RARB: variants seen among roughly 807,000 people sequenced by gnomAD.
The protein encoded by RARB is HBV-activated protein.
A neutral mutation model predicts 51.9 loss-of-function variants in RARB; 17 were observed. The ratio of observed to expected loss-of-function variants is 0.33; its 90% CI spans 0.22 to 0.49. The LOEUF is 0.49. Ranked by LOEUF, RARB falls within the 20% of genes least tolerant of loss-of-function variation. The probability of loss-of-function intolerance (pLI) is 0.99; values close to 1 mark genes in which losing one functional copy is unlikely to be tolerated. For synonymous variants in RARB, 215 were observed against 195.4 expected (o/e 1.10, Z -0.84); for missense variants, 369 against 550.8 (o/e 0.67, Z 3.30).
At chr3:25,047,465 G>T (rs986143635) in intron 2 of RARB, among the ~76,000 whole-genome samples, 8 of 152,130 alleles carry the variant, frequency 5.3e-5, no homozygotes, top group African/African-American at 1.7e-4. Flanking sequence ...AAAAAGAAAA[G>T]GAGTTTTTAA....
chr3:24,994,938 T>C (rs1041258849), intron 2 of RARB, among the ~76,000 whole-genome samples: 5 of 152,164 alleles, frequency 3.3e-5, no homozygotes, highest in Admixed American at 1.3e-4. Context: ...CTTCCAGCTT[T>C]GTTGTTTTTG....
chr3:25,053,105 G>GGGAAA (rs1698369768), intron 2 of RARB, among the ~76,000 whole-genome samples: 1 of 152,088 alleles, frequency 6.6e-6, no homozygotes, highest in South Asian at 2.1e-4. Flanking sequence ...AAAAGAAGTG[G>GGGAAA]AGTAGGCTGA....
chr3:25,531,372 GTAGATAGATAGATAGGTAGATAGATAGA>G (rs1309967915), intron 3 of RARB, among the ~76,000 whole-genome samples: 35 of 131,618 alleles, frequency 2.7e-4, no homozygotes, highest in African/African-American at 7.2e-4. Flanking sequence ...AGATAGATAG[GTAGATAGATAGATAGGTAGATAGATAGA>G]TAGATAGATA....
At chr3:24,878,337 C>G (rs550864221) in intron 2 of RARB, among the ~76,000 whole-genome samples, 1 of 151,078 alleles carries the variant, frequency 6.6e-6, no homozygotes, top group African/African-American at 2.4e-5. Context: ...TTTCATCTTT[C>G]TGCTTGGCTT....
At chr3:24,932,348 G>A (rs764479864) in intron 2 of RARB, among the ~76,000 whole-genome samples, 25 of 151,656 alleles carry the variant, frequency 1.6e-4, no homozygotes, top group Non-Finnish European at 3.2e-4. Context: ...GGAAAATCTG[G>A]TACTATGATA....
At chr3:24,974,067 A>G in intron 2 of RARB, among the ~76,000 whole-genome samples, 1 of 151,954 alleles carries the variant, frequency 6.6e-6, no homozygotes, top group Admixed American at 6.6e-5. Context: ...TCCCTGTACA[A>G]TATGATGGTG....
intron 2 of RARB, among the ~76,000 whole-genome samples, chr3:24,883,356 T>TTGTGTGTGTGTGTGTGTGTGTGTGTGTG (rs3057218): frequency 7.0e-6 from 1 of 143,670 alleles, no homozygotes; most frequent in Admixed American, 7.0e-5. Flanking sequence ...TCAACAATCA[T>TTGTGTGTGTGTGTGTGTGTGTGTGTGTG]TGTGTGTGTG....
chr3:25,444,496 C>T (rs1288467844), intron 1 of RARB, among the ~76,000 whole-genome samples: 7 of 152,224 alleles, frequency 4.6e-5, no homozygotes. Context: ...ATTATGTACA[C>T]ATCAGGCTTA....
intron 5 of RARB, among the ~76,000 whole-genome samples, chr3:25,316,927 G>C (rs1227439500): frequency 6.6e-6 from 1 of 152,004 alleles, no homozygotes; most frequent in Non-Finnish European, 1.5e-5. Flanking sequence ...AAGAAGTGAG[G>C]GTTAGACAGA....
intron 5 of RARB, among the ~76,000 whole-genome samples, chr3:25,222,718 A>G (rs755596426): frequency 3.3e-5 from 5 of 152,206 alleles, no homozygotes; most frequent in Admixed American, 6.5e-5. Flanking sequence ...AGATCCTTGT[A>G]TAAGAGATGC....
chr3:25,165,050 C>G (rs1700537569), intron 4 of RARB, among the ~76,000 whole-genome samples: 1 of 152,024 alleles, frequency 6.6e-6, no homozygotes, highest in Non-Finnish European at 1.5e-5. Context: ...TTAGTATGGT[C>G]CTTCTGGGAT....
At chr3:25,254,497 G>A (rs1007564816) in intron 5 of RARB, among the ~76,000 whole-genome samples, 2 of 151,996 alleles carry the variant, frequency 1.3e-5, no homozygotes, top group African/African-American at 4.8e-5. Context: ...AAGAATAATG[G>A]AACTCACACT....
In RARB at chr3:25,175,211, T is replaced by C. The variant is rs180934671; in HGVS notation, c.178+636T>C. Among the ~76,000 whole-genome samples the C allele has an allele frequency of 1.8e-3, 273 of 152,346 alleles. 4 individuals are homozygous for C. Among genetic ancestry groups the C allele is most frequent in the Admixed American group, 0.017 (257 of 15,306 alleles). On this transcript the variant is annotated intron_variant, in intron 5 of 11. Coordinates refer to the RARB transcript ENST00000383772. ...CTCCAAGACTGATATGACTTCCACA[T>C]TGAAACATCTATATTGTGCAATTTT...
At chr3:24,905,021 A>G (rs894482785) in intron 2 of RARB, among the ~76,000 whole-genome samples, 1 of 152,148 alleles carries the variant, frequency 6.6e-6, no homozygotes, top group African/African-American at 2.4e-5. Context: ...AGTATTAGGA[A>G]AAACACGTCA....
At chr3:25,497,791 T>C (rs902062005) in intron 2 of RARB, among the ~76,000 whole-genome samples, 7 of 152,192 alleles carry the variant, frequency 4.6e-5, no homozygotes, top group Admixed American at 6.5e-5. Context: ...CTTTTGAACC[T>C]CCTCTTCTCC....
At chr3:25,555,146 G>A (rs1015922066) in intron 3 of RARB, among the ~76,000 whole-genome samples, 1 of 152,208 alleles carries the variant, frequency 6.6e-6, no homozygotes, top group Admixed American at 6.5e-5. Context: ...ATGAATGAAT[G>A]AGTAAATTGA....
intron 3 of RARB, among the ~76,000 whole-genome samples, chr3:25,095,738 GA>G (rs1479936525): frequency 6.6e-6 from 1 of 151,872 alleles, no homozygotes; most frequent in African/African-American, 2.4e-5. Flanking sequence ...ACCATCAAAA[GA>G]AAAAAAGCAA....
intron 5 of RARB, among the ~76,000 whole-genome samples, chr3:25,291,093 T>C (rs1226271598): frequency 6.6e-6 from 1 of 152,128 alleles, no homozygotes; most frequent in African/African-American, 2.4e-5. Flanking sequence ...AGTTTCCCCT[T>C]CTGAAAAATA....
intron 2 of RARB, among the ~76,000 whole-genome samples, chr3:25,462,879 A>G (rs974700039): frequency 2.0e-5 from 3 of 152,228 alleles, no homozygotes; most frequent in African/African-American, 7.2e-5. Context: ...ACAAAAGCAC[A>G]TAAGGTCTCC....
Sources: gnomAD v4.1 joint callset for allele counts (sites outside exome capture counted in the v4.1 genomes callset) on GRCh38, gnomAD v4.1.1 for gene constraint, MANE v1.5 for transcripts, NCBI Gene and HGNC (gene_info 2026-07-23, HGNC 2026-07-21) for gene names.